The following TMEM135 variants were observed in gnomAD, a reference collection of about 807,000 sequenced individuals.
TMEM135 encodes the protein transmembrane protein 135.
Under a neutral mutation model 60.3 loss-of-function variants are expected in TMEM135, and 30 were observed. The ratio of observed to expected loss-of-function variants is 0.50; its 90% CI spans 0.37 to 0.68. The LOEUF (loss-of-function observed/expected upper bound fraction) is 0.68. Ranked by LOEUF, TMEM135 falls within the 30% of genes least tolerant of loss-of-function variation. The pLI is 0.00. For missense variants in TMEM135, 468 were observed against 548.8 expected, an observed-to-expected ratio of 0.85 and a Z score of 1.47; for synonymous variants, 190 against 186.7, an observed-to-expected ratio of 1.02 and a Z score of -0.14.
At chr11:87,315,289 CAT>C (rs1452479265) in intron 12 of TMEM135, among the ~76,000 whole-genome samples, 1 of 151,874 alleles carries the variant, frequency 6.6e-6, no homozygotes, top group Non-Finnish European at 1.5e-5. Flanking sequence ...TGTTGTTTAA[CAT>C]GTTTCTTTAA....
chr11:87,250,023 A>G (rs1003710498), intron 6 of TMEM135, among the ~76,000 whole-genome samples: 1 of 152,018 alleles, frequency 6.6e-6, no homozygotes, highest in Admixed American at 6.6e-5. Context: ...TCATGGTTCA[A>G]TTTTGGTAGA....
intron 4 of TMEM135, among the ~76,000 whole-genome samples, chr11:87,116,146 A>G (rs1182247825): frequency 1.3e-5 from 2 of 152,176 alleles, no homozygotes; most frequent in Admixed American, 6.5e-5. Flanking sequence ...ATGTGTAAAC[A>G]TGAGAATACC....
At chr11:87,238,153 T>G (rs1445995955) in intron 6 of TMEM135, among the ~76,000 whole-genome samples, 1 of 151,966 alleles carries the variant, frequency 6.6e-6, no homozygotes, top group Non-Finnish European at 1.5e-5. Context: ...TTCGATATAT[T>G]GATTTGCTTT....
At chr11:87,247,754 C>G (rs1020281282) in intron 6 of TMEM135, among the ~76,000 whole-genome samples, 7 of 152,154 alleles carry the variant, frequency 4.6e-5, no homozygotes, top group Admixed American at 2.0e-4. Flanking sequence ...CAGGTGCCGT[C>G]TGTCACCCCT....
At chr11:87,052,518 CT>C (rs1949846084) in intron 1 of TMEM135, among the ~76,000 whole-genome samples, 1 of 61,424 alleles carries the variant, frequency 1.6e-5, no homozygotes, top group Non-Finnish European at 3.1e-5. Flanking sequence ...TGAACAGACA[CT>C]TCTCAAAAGA....
chr11:87,233,112 C>T (rs560504523), intron 5 of TMEM135, among the ~76,000 whole-genome samples: 1 of 152,228 alleles, frequency 6.6e-6, no homozygotes, highest in East Asian at 1.9e-4. Flanking sequence ...GATTGCACCA[C>T]TGCACTTTAG....
chr11:87,144,229 C>T (rs1938342884), intron 4 of TMEM135, among the ~76,000 whole-genome samples: 1 of 152,078 alleles, frequency 6.6e-6, no homozygotes, highest in African/African-American at 2.4e-5. Context: ...TAAATATTTA[C>T]AATGAATTAT....
intron 1 of TMEM135, among the ~76,000 whole-genome samples, chr11:87,062,592 G>A (rs1949961243): frequency 6.6e-6 from 1 of 151,512 alleles, no homozygotes. Flanking sequence ...AGCCTCCTGA[G>A]TAGCTGGGAT....
intron 6 of TMEM135, among the ~76,000 whole-genome samples, chr11:87,268,463 A>G (rs1015307912): frequency 6.6e-6 from 1 of 151,976 alleles, no homozygotes; most frequent in Non-Finnish European, 1.5e-5. Context: ...TACATGTCTT[A>G]CTGATTATAT....
chr11:87,071,099 C>G (rs903769648), intron 2 of TMEM135, among the ~76,000 whole-genome samples: 1 of 152,114 alleles, frequency 6.6e-6, no homozygotes, highest in Non-Finnish European at 1.5e-5. Flanking sequence ...TGAATGTGGC[C>G]GGCTGTTACT....
rs548084589 is a variant in TMEM135, at chr11:87,286,516, G to T, written c.510-9266G>T. ...GCTGCCTGCCAGTCCCGTGCTGCGC[G>T]CCTGCACTACTCAGCCCTTAGGCGG... On this transcript the variant is annotated intron_variant, in intron 6 of 14. Transcript: ENST00000305494. Among the ~76,000 whole-genome samples, 633 of 152,356 alleles carry T rather than the reference G, an allele frequency of 4.2e-3. 4 individuals carry two copies. Among genetic ancestry groups the T allele is most frequent in the African/African-American group, 0.014 (601 of 41,592 alleles).
chr11:87,192,045 G>A (rs551776544), intron 5 of TMEM135, among the ~76,000 whole-genome samples: 85 of 135,552 alleles, frequency 6.3e-4, no homozygotes, highest in South Asian at 2.7e-3. Context: ...GCAGTGGCGC[G>A]ATCTGGGCTT....
At chr11:87,138,685 T>G (rs1472142729) in intron 4 of TMEM135, among the ~76,000 whole-genome samples, 1 of 152,174 alleles carries the variant, frequency 6.6e-6, no homozygotes, top group Non-Finnish European at 1.5e-5. Context: ...AGTTACTATA[T>G]AGTATGATAC....
At chr11:87,199,149 C>T (rs1173462353) in intron 5 of TMEM135, among the ~76,000 whole-genome samples, 2 of 152,160 alleles carry the variant, frequency 1.3e-5, no homozygotes, top group African/African-American at 4.8e-5. Context: ...ATCATGAGGT[C>T]AGGAGTTCCA....
chr11:87,299,970 G>A (rs1216476749), intron 7 of TMEM135, among the ~76,000 whole-genome samples: 1 of 152,140 alleles, frequency 6.6e-6, no homozygotes, highest in Non-Finnish European at 1.5e-5. Flanking sequence ...AGTGGAAGGA[G>A]CATTTAAGAT....
chr11:87,189,608 A>G (rs1939748175), intron 5 of TMEM135, among the ~76,000 whole-genome samples: 1 of 152,052 alleles, frequency 6.6e-6, no homozygotes, highest in Non-Finnish European at 1.5e-5. Flanking sequence ...ACATTCTGAA[A>G]CTACTATTAA....
chr11:87,201,401 A>G (rs917565495), intron 5 of TMEM135, among the ~76,000 whole-genome samples: 1 of 152,212 alleles, frequency 6.6e-6, no homozygotes, highest in Non-Finnish European at 1.5e-5. Context: ...TTTGTATAGT[A>G]TATATTCCTG....
At chr11:87,232,863 C>A (rs1940917902) in intron 5 of TMEM135, among the ~76,000 whole-genome samples, 1 of 151,938 alleles carries the variant, frequency 6.6e-6, no homozygotes, top group Non-Finnish European at 1.5e-5. Context: ...TTGAAAAATA[C>A]TCAGTTACTG....
At position 87,324,209 on chromosome 11, in the gene TMEM135, T is replaced by G. The variant is rs1273631962; in HGVS notation, c.*2876T>G. The stretch of plus-strand genomic sequence containing the variant: ...TTATATTTTATCATATCCCTGAGCT[T>G]CTGTGTGCTCTACATTTCATAGGTA... On this transcript the variant is annotated 3_prime_UTR_variant, in exon 15 of 15. Coordinates refer to ENST00000305494, the MANE Select transcript of TMEM135 (RefSeq NM_022918.4). The G allele has an allele frequency of 4.4e-6, 2 of 453,948 alleles. No individual in the cohort carries two copies. Among genetic ancestry groups the G allele is most frequent in the Admixed American group, 2.4e-5 (1 of 42,544 alleles). The allele number at this position is 453,948 out of a possible 1,614,324, so 28.1% of individuals were successfully genotyped here.
Sources: gnomAD v4.1 joint callset for allele counts (sites outside exome capture counted in the v4.1 genomes callset) on GRCh38, gnomAD v4.1.1 for gene constraint, MANE v1.5 for transcripts, NCBI Gene and HGNC (gene_info 2026-07-23, HGNC 2026-07-21) for gene names.